The following NFKB1 variants were observed in gnomAD, a reference collection of about 807,000 sequenced individuals.
NFKB1 encodes the protein nuclear factor NF-kappa-B p105 subunit.
Under a neutral mutation model 105.1 loss-of-function variants are expected in NFKB1, and 9 were observed. The observed-to-expected ratio is 0.09, with a 90% confidence interval of 0.05 to 0.15. NFKB1 has a LOEUF of 0.15. NFKB1 is among the 10% of genes least tolerant of loss of function. The pLI, the probability that NFKB1 is intolerant of heterozygous loss-of-function variation, is 1.00. For synonymous variants in NFKB1, 440 were observed against 442.2 expected, an observed-to-expected ratio of 1.00 and a Z score of 0.06; for missense variants, 830 against 1,203.7, an observed-to-expected ratio of 0.69 and a Z score of 4.59.
chr4:102,534,474 T>A (rs1741507719), intron 4 of NFKB1, among the ~76,000 whole-genome samples: 1 of 152,178 alleles, frequency 6.6e-6, no homozygotes, highest in Non-Finnish European at 1.5e-5. Context: ...GTGCTTCCCC[T>A]TACCACTAGA....
intron 4 of NFKB1, among the ~76,000 whole-genome samples, chr4:102,536,585 A>G (rs956726350): frequency 3.3e-5 from 5 of 152,160 alleles, no homozygotes; most frequent in African/African-American, 1.2e-4. Flanking sequence ...TGGCATAATG[A>G]AATGTAGTAT....
At chr4:102,579,459 T>G (rs1382268268) in intron 8 of NFKB1, among the ~76,000 whole-genome samples, 1 of 151,940 alleles carries the variant, frequency 6.6e-6, no homozygotes, top group Admixed American at 6.6e-5. Context: ...TGTTACTAGC[T>G]TTATCAAGAG....
At chr4:102,575,104 T>C (rs1182823362) in intron 6 of NFKB1, among the ~76,000 whole-genome samples, 2 of 152,252 alleles carry the variant, frequency 1.3e-5, no homozygotes, top group African/African-American at 4.8e-5. Flanking sequence ...TCATGTTGCA[T>C]ATTTTTCTGT....
chr4:102,590,895 T>C (rs750874520), intron 11 of NFKB1, among the ~76,000 whole-genome samples: 5 of 152,198 alleles, frequency 3.3e-5, no homozygotes, highest in Non-Finnish European at 7.3e-5. Context: ...CTTGTGCCAG[T>C]TAGCCAAGGT....
chr4:102,502,384 GCGCGCGCACA>G (rs1212362935), intron 1 of NFKB1, among the ~76,000 whole-genome samples: 1 of 102,452 alleles, frequency 9.8e-6, no homozygotes, highest in Non-Finnish European at 1.8e-5. Flanking sequence ...GTGCGCGCGC[GCGCGCGCACA>G]CACACACACA....
At chr4:102,566,956 T>A in intron 5 of NFKB1, 31 bp from the exon 6 acceptor site, 1 of 1,611,784 alleles carries the variant, frequency 6.2e-7, no homozygotes, top group Non-Finnish European at 8.5e-7. Flanking sequence ...GAGTCAGATA[T>A]GCTAACTTTT....
intron 3 of NFKB1, among the ~76,000 whole-genome samples, chr4:102,532,665 T>G (rs1308223644): frequency 1.3e-5 from 2 of 152,116 alleles, no homozygotes; most frequent in Non-Finnish European, 2.9e-5. Flanking sequence ...AATTCTCTTT[T>G]GTGTTATAGT....
intron 5 of NFKB1, 104 bp downstream of exon 5, chr4:102,538,060 A>G: frequency 1.5e-6 from 1 of 663,024 alleles, no homozygotes; most frequent in Non-Finnish European, 2.7e-6. Flanking sequence ...TTCGCTCCTA[A>G]GCTGAAGTGT....
At chr4:102,544,270 A>AT (rs1212259381) in intron 5 of NFKB1, among the ~76,000 whole-genome samples, 5 of 152,066 alleles carry the variant, frequency 3.3e-5, no homozygotes, top group Non-Finnish European at 5.9e-5. Context: ...ATTTTTTAAG[A>AT]TTTTTTCTTT....
chr4:102,561,759 CTGAGTTAGCA>C (rs534742292), intron 5 of NFKB1, among the ~76,000 whole-genome samples: 228 of 152,268 alleles, frequency 1.5e-3, no homozygotes, highest in African/African-American at 5.3e-3. Flanking sequence ...TGGGGATTAT[CTGAGTTAGCA>C]TGTTCCATAA....
At chr4:102,602,608 C>T (rs1016870468) in intron 16 of NFKB1, among the ~76,000 whole-genome samples, 3 of 151,552 alleles carry the variant, frequency 2.0e-5, no homozygotes, top group Admixed American at 6.6e-5. Flanking sequence ...ACATGTGGCT[C>T]TTAATAGTTT....
At chr4:102,504,069 T>G (rs1739266126) in intron 1 of NFKB1, among the ~76,000 whole-genome samples, 1 of 152,164 alleles carries the variant, frequency 6.6e-6, no homozygotes, top group Non-Finnish European at 1.5e-5. Flanking sequence ...AAGTTCTGGC[T>G]TCTGGGGGGA....
chr4:102,548,459 C>T (rs1053690662), intron 5 of NFKB1, among the ~76,000 whole-genome samples: 6 of 152,068 alleles, frequency 3.9e-5, no homozygotes, highest in African/African-American at 1.4e-4. Flanking sequence ...CTGGAAACTG[C>T]GTCGACGGTC....
At chr4:102,574,434 A>C (rs1282135470) in intron 6 of NFKB1, among the ~76,000 whole-genome samples, 2 of 152,026 alleles carry the variant, frequency 1.3e-5, no homozygotes, top group African/African-American at 4.8e-5. Context: ...ATATTTCCTC[A>C]CACACAGCAC....
chr4:102,579,649 AT>A (rs199803698), intron 8 of NFKB1, among the ~76,000 whole-genome samples: 172 of 30,266 alleles, frequency 5.7e-3, no homozygotes, highest in South Asian at 0.03. Context: ...AAAAAAAAAT[AT>A]ATATATATAT....
chr4:102,529,100 A>T (rs776502194), intron 2 of NFKB1, among the ~76,000 whole-genome samples: 4 of 152,140 alleles, frequency 2.6e-5, no homozygotes, highest in Non-Finnish European at 5.9e-5. Flanking sequence ...TCATCTTATT[A>T]TCATTACCTT....
intron 5 of NFKB1, among the ~76,000 whole-genome samples, chr4:102,547,654 TG>T (rs2149139021): frequency 6.6e-6 from 1 of 152,344 alleles, no homozygotes; most frequent in South Asian, 2.1e-4. Flanking sequence ...AAATGACAGT[TG>T]CTTCTATTTT....
chr4:102,561,265 CTTTT>C lies in NFKB1; in HGVS notation c.259-5708_259-5705del, dbSNP rs551312422. On this transcript the variant is annotated intron_variant, in intron 5 of 23. Transcript: ENST00000226574. ...TAGCGTTATTCTCTTTCTTTCTTTC[CTTTT>C]TTTTTTTTTTTTTGTGTGTGTGTGT... Among the ~76,000 whole-genome samples, 282 of 138,280 alleles carry C rather than the reference CTTTT, an allele frequency of 2.0e-3. 1 individual carries two copies. The highest frequency in any genetic ancestry group is 7.3e-3 in the African/African-American group (266 of 36,514). 90.7% of individuals were successfully genotyped at this position (138,280 alleles called of 152,430 possible). A position where few individuals can be genotyped will look rare whatever the true frequency, so the allele number is the denominator to read the frequency against.
chr4:102,509,203 A>C (rs1183750529), intron 1 of NFKB1, among the ~76,000 whole-genome samples: 1 of 152,232 alleles, frequency 6.6e-6, no homozygotes, highest in East Asian at 1.9e-4. Context: ...TTAATTTGAG[A>C]TAATGTCTTT....
Sources: gnomAD v4.1 joint callset for allele counts (sites outside exome capture counted in the v4.1 genomes callset) on GRCh38, gnomAD v4.1.1 for gene constraint, MANE v1.5 for transcripts, NCBI Gene and HGNC (gene_info 2026-07-23, HGNC 2026-07-21) for gene names.